CRTC1: variants seen among roughly 807,000 people sequenced by gnomAD.
CRTC1 encodes the protein CREB regulated transcription coactivator 1.
Under a neutral mutation model 66.1 loss-of-function variants are expected in CRTC1, and 18 were observed. That is an observed-to-expected ratio of 0.27 (90% CI 0.19 to 0.40). The LOEUF (loss-of-function observed/expected upper bound fraction) is 0.40. CRTC1 is among the 10% of genes least tolerant of loss of function. CRTC1 has a pLI of 1.00. For synonymous variants in CRTC1, 416 were observed against 398.8 expected (o/e 1.04, Z -0.51); for missense variants, 669 against 887.9 (o/e 0.75, Z 3.13).
chr19:18,685,227 G>A (rs2052659667), intron 1 of CRTC1, among the ~76,000 whole-genome samples: 1 of 152,122 alleles, frequency 6.6e-6, no homozygotes, highest in South Asian at 2.1e-4. Flanking sequence ...GGTAATGATT[G>A]GGAGCTCACT....
intron 1 of CRTC1, among the ~76,000 whole-genome samples, chr19:18,716,397 G>A (rs1026146519): frequency 1.3e-5 from 2 of 152,006 alleles, no homozygotes; most frequent in East Asian, 1.9e-4. Context: ...GATTACAGGC[G>A]TCTGCCACCA....
rs1202959727 is a variant in CRTC1, at chr19:18,778,108, T to C, written c.*726T>C. 8.6e-6 allele frequency: 2 copies of C among 232,778 alleles called. No homozygotes were observed. The highest frequency in any genetic ancestry group is 4.4e-5 in the African/African-American group (2 of 45,282). 14.4% of individuals were successfully genotyped at this position (232,778 alleles called of 1,614,324 possible). On this transcript the variant is annotated 3_prime_UTR_variant, in exon 14 of 14. Coordinates refer to ENST00000321949, the MANE Select transcript of CRTC1 (RefSeq NM_015321.3). ...GCCTCACCGCAGGCAGGCCCATCGG[T>C]GGCCACCTTTGCCGGGAAGTGACCG...
chr19:18,777,310 C>T lies in CRTC1; in HGVS notation c.1833C>T (p.His611=). The part of the protein sequence containing the change: ...KIDPLTLDGL[H]MLNDPDMVLA... Reference sequence around the variant, plus strand: ...ACCCCCTGACCCTCGACGGACTGCACATGCTCAACGACCCCGACATGGTTC... The same window carrying T: ...ACCCCCTGACCCTCGACGGACTGCATATGCTCAACGACCCCGACATGGTTC... The change falls in exon 14 of 14, where the codon CAC becomes CAT. Residue 611 remains histidine, a synonymous_variant. Coordinates refer to ENST00000321949, the MANE Select transcript of CRTC1 (RefSeq NM_015321.3). The surrounding 1 kb of genome is among the most constrained non-coding windows in gnomAD (Gnocchi z 5.5). 6.2e-7 allele frequency: 1 copy of T among 1,611,656 alleles called. No homozygotes were observed. The highest frequency in any genetic ancestry group is 8.5e-7 in the Non-Finnish European group (1 of 1,179,990).
Position 18,778,760 on chromosome 19 carries a change from C to T in CRTC1, c.*1378C>T, listed in dbSNP as rs867965126. On this transcript the variant is annotated 3_prime_UTR_variant, in exon 14 of 14. Coordinates refer to ENST00000321949, the MANE Select transcript of CRTC1 (RefSeq NM_015321.3). ...AAGAGTGTGGGGGACTGGCAGGGAG[C>T]GAGGGTCCCCGAGACGAGGACCACG... 2.2e-5 allele frequency: 5 copies of T among 230,488 alleles called. No homozygotes were observed. The highest frequency in any genetic ancestry group is 1.8e-4 in the South Asian group (1 of 5,500). The allele number at this position is 230,488 out of a possible 1,614,324, so 14.3% of individuals were successfully genotyped here.
chr19:18,690,051 G>A (rs1375821545), intron 1 of CRTC1, among the ~76,000 whole-genome samples: 1 of 147,296 alleles, frequency 6.8e-6, no homozygotes, highest in Non-Finnish European at 1.5e-5. Flanking sequence ...CTGCAGCAGA[G>A]CCACCCAGAC....
At chr19:18,758,386 AAAG>A (rs2145798740) in intron 6 of CRTC1, among the ~76,000 whole-genome samples, 1 of 152,104 alleles carries the variant, frequency 6.6e-6, no homozygotes, top group African/African-American at 2.4e-5. Flanking sequence ...GAAAGAAAAA[AAAG>A]GCAGAGGAGC....
At chr19:18,706,182 CTTTTTTTTTTTTTTTTTT>C (rs58104974) in intron 1 of CRTC1, among the ~76,000 whole-genome samples, 30 of 18,714 alleles carry the variant, frequency 1.6e-3, no homozygotes, top group South Asian at 5.6e-3. Context: ...TTCCATTGGT[CTTTTTTTTTTTTTTTTTT>C]TTTTTTTTTT....
chr19:18,775,881 C>T (rs1041602550), intron 13 of CRTC1, 60 bp downstream of exon 13: 3 of 1,474,308 alleles, frequency 2.0e-6, no homozygotes, highest in Non-Finnish European at 2.7e-6. Context: ...CGTGCGGAGA[C>T]AGCCAGAGAC....
At position 18,760,093 on chromosome 19, in the gene CRTC1, A is replaced by AACATCC; in HGVS notation, c.754_759dup (p.Ile252_His253dup). 4 of 1,613,750 alleles carry AACATCC rather than the reference A, an allele frequency of 2.5e-6. No individual in the cohort carries two copies. The highest frequency in any genetic ancestry group is 1.7e-4 in the Middle Eastern group (1 of 6,058). ...AGGGGGGTCCCTGCCCGACCTGACCAACATCCACTTCCCCTCCCCGCTCCC... is the reference window on the plus strand; with the variant it reads ...AGGGGGGTCCCTGCCCGACCTGACCAACATCCACATCCACTTCCCCTCCCCGCTCCC... On this transcript the variant is annotated inframe_insertion, in exon 8 of 14. Transcript: ENST00000321949. This position sits in a 1 kb window ranked among gnomAD's most constrained non-coding sequence, Gnocchi z 6.2.
At chr19:18,759,890 C>A (rs781489621) in intron 7 of CRTC1, 118 bp from the exon 8 acceptor site, 1 of 847,826 alleles carries the variant, frequency 1.2e-6, no homozygotes. Context: ...CCCAAGCACA[C>A]GGCACCTGAT....
intron 1 of CRTC1, among the ~76,000 whole-genome samples, chr19:18,732,587 G>C (rs2053914736): frequency 6.6e-6 from 1 of 152,196 alleles, no homozygotes; most frequent in Non-Finnish European, 1.5e-5. Context: ...GGGTCTGGCA[G>C]GGCTTCCTGG....
chr19:18,745,418 G>T (rs1286481959), intron 2 of CRTC1, among the ~76,000 whole-genome samples: 1 of 152,192 alleles, frequency 6.6e-6, no homozygotes, highest in Non-Finnish European at 1.5e-5. Flanking sequence ...TGACGTAGGT[G>T]GGGGTAGGAG....
intron 1 of CRTC1, among the ~76,000 whole-genome samples, chr19:18,727,412 T>A (rs111547990): frequency 0.014 from 2,194 of 151,320 alleles, 72 homozygotes; most frequent in African/African-American, 0.051. Flanking sequence ...AAACCCTATC[T>A]CTACTAAAAA....
At chr19:18,763,778 G>A (rs1015639565) in intron 8 of CRTC1, among the ~76,000 whole-genome samples, 6 of 152,130 alleles carry the variant, frequency 3.9e-5, no homozygotes, top group Non-Finnish European at 5.9e-5. Flanking sequence ...ACCCTCACAC[G>A]CTCCTGACGT....
Position 18,779,727 on chromosome 19 carries a change from GC to G in CRTC1, c.*2348del, listed in dbSNP as rs2055066690. The G allele has an allele frequency of 4.5e-6, 1 of 224,136 alleles. No homozygotes were observed. The highest frequency in any genetic ancestry group is 1.8e-4 in the South Asian group (1 of 5,446). The allele number at this position is 224,136 out of a possible 1,614,324, so 13.9% of individuals were successfully genotyped here. A position where few individuals can be genotyped will look rare whatever the true frequency, so the allele number is the denominator to read the frequency against. ...CACCTCGGAGCATCCCAGGCCCGTGGCCCATTTTCAGCATCCTGAAGCCAGA... is the reference window on the plus strand; with the variant it reads ...CACCTCGGAGCATCCCAGGCCCGTGGCCATTTTCAGCATCCTGAAGCCAGA... On this transcript the variant is annotated 3_prime_UTR_variant, in exon 14 of 14. Transcript: ENST00000321949.
chr19:18,721,848 G>A (rs2053637051), intron 1 of CRTC1, among the ~76,000 whole-genome samples: 2 of 152,316 alleles, frequency 1.3e-5, no homozygotes, highest in South Asian at 2.1e-4. Context: ...GGCGGGGTTA[G>A]GACATGGCTA....
rs555851745 is a variant in CRTC1 at position 18,752,182 on chromosome 19, A to G, written c.539-1318A>G. ...AAAAAAAAGAAAGAAAGAAAAATATACACACAAGCTAGGCAGCTGCTCTTG... is the reference window on the plus strand; with the variant it reads ...AAAAAAAAGAAAGAAAGAAAAATATGCACACAAGCTAGGCAGCTGCTCTTG... On this transcript the variant is annotated intron_variant, in intron 5 of 13. Transcript: ENST00000321949. Among the ~76,000 whole-genome samples, 188 of 151,708 alleles carry G rather than the reference A, an allele frequency of 1.2e-3. 1 individual carries two copies. The highest frequency in any genetic ancestry group is 4.4e-3 in the African/African-American group (183 of 41,428).
intron 11 of CRTC1, among the ~76,000 whole-genome samples, chr19:18,774,527 G>A (rs1283238172): frequency 6.6e-6 from 1 of 152,182 alleles, no homozygotes; most frequent in Admixed American, 6.5e-5. Flanking sequence ...TGTAACGTCT[G>A]GGCACTTCCC....
At chr19:18,733,139 C>T (rs1185111399) in intron 1 of CRTC1, among the ~76,000 whole-genome samples, 1 of 151,916 alleles carries the variant, frequency 6.6e-6, no homozygotes, top group Non-Finnish European at 1.5e-5. Flanking sequence ...GGGGAAAGAG[C>T]CTGGATTGTA....
Sources: allele counts gnomAD v4.1 joint callset (sites outside exome capture counted in the v4.1 genomes callset), GRCh38; gene constraint gnomAD v4.1.1; non-coding constraint Gnocchi (gnomAD v3.1); transcripts MANE v1.5; gene names NCBI Gene and HGNC (gene_info 2026-07-23, HGNC 2026-07-21).